The following ATRNL1 variants were observed in gnomAD, a reference collection of about 807,000 sequenced individuals.
The protein encoded by ATRNL1 is attractin like 1.
Under a neutral mutation model 182.7 loss-of-function variants are expected in ATRNL1, and 95 were observed. The observed-to-expected ratio is 0.52, with a 90% CI of 0.44 to 0.62. The LOEUF is 0.62. Among genes scored for constraint, ATRNL1 ranks in the 20% least tolerant of loss-of-function variants. ATRNL1 has a pLI of 0.00. For synonymous variants in ATRNL1, 576 were observed against 568.3 expected, an observed-to-expected ratio of 1.01 and a Z score of -0.19; for missense variants, 1,471 against 1,679.5, an observed-to-expected ratio of 0.88 and a Z score of 2.17.
At chr10:115,428,250 C>T (rs1032357487) in intron 21 of ATRNL1, among the ~76,000 whole-genome samples, 1 of 151,980 alleles carries the variant, frequency 6.6e-6, no homozygotes, top group African/African-American at 2.4e-5. Flanking sequence ...ATTGGTTTTA[C>T]ATCCTGTAGC....
intron 26 of ATRNL1, among the ~76,000 whole-genome samples, chr10:115,663,234 A>T (rs1193796720): frequency 6.6e-6 from 1 of 152,090 alleles, no homozygotes; most frequent in South Asian, 2.1e-4. Context: ...AGATAACTTG[A>T]TATGCTCACA....
intron 26 of ATRNL1, among the ~76,000 whole-genome samples, chr10:115,651,949 C>T (rs1860037499): frequency 6.6e-6 from 1 of 151,878 alleles, no homozygotes; most frequent in Non-Finnish European, 1.5e-5. Context: ...GTTTAGTTAA[C>T]TATTATAATA....
At chr10:115,619,549 C>G (rs2133800402) in intron 26 of ATRNL1, among the ~76,000 whole-genome samples, 1 of 152,310 alleles carries the variant, frequency 6.6e-6, no homozygotes, top group East Asian at 1.9e-4. Context: ...TGACAGACTC[C>G]AGGCAGTCTG....
intron 8 of ATRNL1, among the ~76,000 whole-genome samples, chr10:115,173,388 C>T (rs1847369987): frequency 6.6e-6 from 1 of 151,718 alleles, no homozygotes; most frequent in African/African-American, 2.4e-5. Context: ...TTTCTTTGTG[C>T]CTCAGTTTTC....
rs1854682950 is a variant in ATRNL1 at position 115,575,988 on chromosome 10, A to G, written c.3795+26452A>G. Among the ~76,000 whole-genome samples the G allele has an allele frequency of 3.3e-5, 5 of 152,088 alleles. No individual in the cohort carries two copies. In the South Asian group the frequency reaches 1.0e-3, roughly 32 times the overall value. Reference sequence around the variant, plus strand: ...TTAGGTATCACATATAGATGAGATCATGCAGTACTTTTCTTTGTGTCTGGT... The same window carrying G: ...TTAGGTATCACATATAGATGAGATCGTGCAGTACTTTTCTTTGTGTCTGGT... On this transcript the variant is annotated intron_variant, in intron 26 of 28. Transcript: ENST00000355044.
At chr10:115,217,860 T>G (rs563566662) in intron 9 of ATRNL1, among the ~76,000 whole-genome samples, 1 of 152,286 alleles carries the variant, frequency 6.6e-6, no homozygotes, top group African/African-American at 2.4e-5. Context: ...TGAGCACTAA[T>G]TGATTTTTTC....
At chr10:115,836,727 C>T (rs1161458789) in intron 27 of ATRNL1, among the ~76,000 whole-genome samples, 1 of 152,170 alleles carries the variant, frequency 6.6e-6, no homozygotes, top group African/African-American at 2.4e-5. Flanking sequence ...TTGGCAAAGG[C>T]CCTATTTCCA....
At chr10:115,328,305 A>C (rs782372809) in intron 18 of ATRNL1, among the ~76,000 whole-genome samples, 2 of 152,150 alleles carry the variant, frequency 1.3e-5, no homozygotes, top group Non-Finnish European at 2.9e-5. Flanking sequence ...GTTAAATTGA[A>C]ACAAAATATG....
At chr10:115,866,160 C>T (rs972302256) in intron 28 of ATRNL1, among the ~76,000 whole-genome samples, 22 of 152,042 alleles carry the variant, frequency 1.4e-4, no homozygotes, top group African/African-American at 5.3e-4. Flanking sequence ...TTTTTTAATG[C>T]TTTAGATAAT....
chr10:115,569,559 C>T (rs1308893852), intron 26 of ATRNL1, among the ~76,000 whole-genome samples: 1 of 152,128 alleles, frequency 6.6e-6, no homozygotes, highest in Non-Finnish European at 1.5e-5. Context: ...ATTTGCACAT[C>T]TTGAAGAAAA....
At chr10:115,280,103 C>T (rs962229371) in intron 13 of ATRNL1, among the ~76,000 whole-genome samples, 6 of 152,146 alleles carry the variant, frequency 3.9e-5, no homozygotes, top group Admixed American at 3.9e-4. Context: ...TATCCTATTC[C>T]ATTTCTGGCA....
chr10:115,248,669 G>A (rs1850746074), intron 10 of ATRNL1, among the ~76,000 whole-genome samples: 1 of 152,074 alleles, frequency 6.6e-6, no homozygotes, highest in South Asian at 2.1e-4. Flanking sequence ...CCTGAGAGAA[G>A]ATACGGGTAT....
intron 27 of ATRNL1, among the ~76,000 whole-genome samples, chr10:115,785,581 G>A (rs1949376954): frequency 6.6e-6 from 1 of 152,174 alleles, no homozygotes; most frequent in Non-Finnish European, 1.5e-5. Context: ...TCTATTGCTG[G>A]CTTCTGCTGA....
At chr10:115,281,875 A>T (rs1471767001) in intron 14 of ATRNL1, among the ~76,000 whole-genome samples, 1 of 149,664 alleles carries the variant, frequency 6.7e-6, no homozygotes, top group African/African-American at 2.4e-5. Flanking sequence ...ACATTATAAC[A>T]TTTATAAAAA....
chr10:115,334,257 TA>T, intron 18 of ATRNL1, 24 bp from the exon 19 acceptor site: 1 of 1,402,450 alleles, frequency 7.1e-7, no homozygotes, highest in Non-Finnish European at 9.6e-7. Flanking sequence ...TAGATATTTG[TA>T]ATGCTTTTTA....
At chr10:115,367,536 A>G (rs1425726505) in intron 19 of ATRNL1, among the ~76,000 whole-genome samples, 5 of 152,002 alleles carry the variant, frequency 3.3e-5, no homozygotes, top group African/African-American at 7.2e-5. Flanking sequence ...GTCATTCTCC[A>G]TCCAGCTTTG....
chr10:115,761,770 G>A (rs1948739192), intron 27 of ATRNL1, among the ~76,000 whole-genome samples: 1 of 152,282 alleles, frequency 6.6e-6, no homozygotes, highest in Middle Eastern at 3.4e-3. Context: ...GGTTAATTCA[G>A]TTCTTTGAAC....
intron 22 of ATRNL1, 45 bp from the exon 23 acceptor site, chr10:115,467,129 A>G (rs1226913505): frequency 6.0e-6 from 6 of 996,712 alleles, no homozygotes; most frequent in Non-Finnish European, 9.6e-6. Context: ...ATATATATCT[A>G]GTGTAATTTT....
chr10:115,666,758 A>C (rs1448673057), intron 26 of ATRNL1, among the ~76,000 whole-genome samples: 1 of 152,136 alleles, frequency 6.6e-6, no homozygotes, highest in Non-Finnish European at 1.5e-5. Context: ...TAACCTCTCA[A>C]TATTAAACAG....
Sources: allele counts gnomAD v4.1 joint callset (sites outside exome capture counted in the v4.1 genomes callset), GRCh38; gene constraint gnomAD v4.1.1; transcripts MANE v1.5; gene names NCBI Gene and HGNC (gene_info 2026-07-23, HGNC 2026-07-21).